Variants in DOCK10 observed in about 807,000 individuals in gnomAD.
DOCK10 encodes dedicator of cytokinesis 10.
DOCK10 carries 145 observed loss-of-function variants against 280.1 expected under a neutral mutation model. That is an observed-to-expected ratio of 0.52 (90% CI 0.45 to 0.59). DOCK10 has a LOEUF of 0.59. Ranked by LOEUF, DOCK10 falls within the 20% of genes least tolerant of loss-of-function variation. The pLI is 0.00. For missense variants in DOCK10, 2,368 were observed against 2,651.7 expected (o/e 0.89, Z 2.35); for synonymous variants, 915 against 942.2 (o/e 0.97, Z 0.53).
At chr2:225,013,097 T>A (rs1689489071) in intron 1 of DOCK10, among the ~76,000 whole-genome samples, 1 of 152,174 alleles carries the variant, frequency 6.6e-6, no homozygotes, top group Non-Finnish European at 1.5e-5. Context: ...TTTCCTCATA[T>A]TTCCTGGAAC....
At chr2:224,852,606 G>A (rs1328881196) in intron 17 of DOCK10, among the ~76,000 whole-genome samples, 164 bp from the exon 18 acceptor site, 2 of 152,116 alleles carry the variant, frequency 1.3e-5, no homozygotes, top group East Asian at 3.8e-4. Flanking sequence ...AGAAGGATCT[G>A]GAGAGTGTAC....
At chr2:224,896,844 T>G (rs1700015263) in intron 3 of DOCK10, among the ~76,000 whole-genome samples, 1 of 152,244 alleles carries the variant, frequency 6.6e-6, no homozygotes, top group Admixed American at 6.5e-5. Context: ...AGGAGCTTGC[T>G]CTTTCCAATC....
chr2:224,825,739 T>C (rs1191548710), intron 27 of DOCK10, among the ~76,000 whole-genome samples: 1 of 152,210 alleles, frequency 6.6e-6, no homozygotes, highest in Non-Finnish European at 1.5e-5. Context: ...TTAAAACTGT[T>C]TTCCCGAAGT....
At position 224,856,887 on chromosome 2, in the gene DOCK10, A is replaced by G; in HGVS notation, c.1781T>C (p.Leu594Pro). Residue 594 changes from leucine to proline, a missense_variant, in exon 15 of 56, where the codon CTA (leucine) becomes CCA (proline). Leu to Pro is a moderately conservative substitution (Grantham distance 98). Coordinates refer to ENST00000258390, the MANE Select transcript of DOCK10 (RefSeq NM_014689.3). The part of the protein sequence containing the change: ...QESSKISTED[L>P]VKLVSDYRRA... Reference sequence around the variant, plus strand: ...TCTATAATCTGATACTAGTTTAACTAGGTCCTCAGTTGAAATCTTGCTACT... The same window carrying G: ...TCTATAATCTGATACTAGTTTAACTGGGTCCTCAGTTGAAATCTTGCTACT... The G allele has an allele frequency of 6.2e-7, 1 of 1,611,472 alleles. No homozygotes were observed. Among genetic ancestry groups the G allele is most frequent in the South Asian group, 1.1e-5 (1 of 90,902 alleles).
At chr2:224,875,963 G>C in intron 8 of DOCK10, 75 bp downstream of exon 8, 1 of 1,455,082 alleles carries the variant, frequency 6.9e-7, no homozygotes. Flanking sequence ...CAACTACAAT[G>C]CCTAGCAGCT....
intron 13 of DOCK10, 73 bp from the exon 14 acceptor site, chr2:224,862,819 T>C (rs1025564538): frequency 5.6e-6 from 5 of 900,096 alleles, no homozygotes; most frequent in Non-Finnish European, 8.1e-6. Flanking sequence ...TAATACTAAA[T>C]ACTTTTTCAT....
intron 3 of DOCK10, among the ~76,000 whole-genome samples, chr2:224,905,874 T>C (rs746714164): frequency 2.6e-5 from 4 of 152,122 alleles, no homozygotes; most frequent in African/African-American, 4.8e-5. Context: ...GGACCTGCCT[T>C]CTCAGTTCCA....
At chr2:224,817,234 A>G (rs1694186854) in intron 29 of DOCK10, among the ~76,000 whole-genome samples, 1 of 152,176 alleles carries the variant, frequency 6.6e-6, no homozygotes, top group Non-Finnish European at 1.5e-5. Flanking sequence ...GCCCTTGCAA[A>G]TAGGTCTGTC....
In DOCK10 at chr2:224,977,591, A is replaced by C. The variant is rs368072692; in HGVS notation, c.124-45923T>G. 2.4e-4 allele frequency among the ~76,000 whole-genome samples: 36 copies of C among 152,324 alleles called. 1 individual carries two copies. The highest frequency in any genetic ancestry group is 8.7e-4 in the African/African-American group (36 of 41,570). On this transcript the variant is annotated intron_variant, in intron 1 of 55. Transcript: ENST00000258390. ...TAAAGGAAGTAAAAAAAAATTATGA[A>C]AGTTTCTGTTAATTCTCCCACCAAA...
intron 55 of DOCK10, among the ~76,000 whole-genome samples, chr2:224,766,403 C>A (rs1377735341): frequency 1.3e-5 from 2 of 152,000 alleles, no homozygotes; most frequent in South Asian, 4.2e-4. Context: ...GAAGATTTTC[C>A]CACTAACTTC....
At chr2:224,826,706 T>C (rs755163156) in intron 27 of DOCK10, among the ~76,000 whole-genome samples, 55 of 151,316 alleles carry the variant, frequency 3.6e-4, no homozygotes, top group Non-Finnish European at 6.0e-4. Flanking sequence ...CTGGGCAACA[T>C]GACGAAACCC....
At chr2:224,953,691 G>T (rs1051550444) in intron 1 of DOCK10, among the ~76,000 whole-genome samples, 1 of 152,120 alleles carries the variant, frequency 6.6e-6, no homozygotes, top group African/African-American at 2.4e-5. Context: ...TATAGGTTGG[G>T]GCAAAGGTAA....
At chr2:224,924,234 A>G (rs1701935132) in intron 2 of DOCK10, among the ~76,000 whole-genome samples, 2 of 152,326 alleles carry the variant, frequency 1.3e-5, no homozygotes, top group East Asian at 1.9e-4. Flanking sequence ...TTTATCCTTT[A>G]AAAGTATAGA....
At position 224,912,926 on chromosome 2, in the gene DOCK10, T is replaced by G. The variant is rs534454492; in HGVS notation, c.333+3769A>C. Among the ~76,000 whole-genome samples the G allele has an allele frequency of 1.5e-4, 23 of 152,124 alleles. No homozygotes were observed. In the East Asian group the frequency reaches 4.1e-3, roughly 27 times the overall value. On this transcript the variant is annotated intron_variant, in intron 3 of 55. Coordinates refer to ENST00000258390, the MANE Select transcript of DOCK10 (RefSeq NM_014689.3). ...CTGCAATCCCAACTACTTGGGAGGC[T>G]AAAGCAGGAAAATCGCTTGAGCCCA...
chr2:224,769,114 T>A (rs949961288), intron 55 of DOCK10, among the ~76,000 whole-genome samples: 2 of 152,198 alleles, frequency 1.3e-5, no homozygotes, highest in Non-Finnish European at 2.9e-5. Flanking sequence ...TATCAAGTCA[T>A]CTCTCCTGAG....
At chr2:224,790,738 C>T (rs1692123505) in intron 47 of DOCK10, among the ~76,000 whole-genome samples, 1 of 152,104 alleles carries the variant, frequency 6.6e-6, no homozygotes, top group Admixed American at 6.5e-5. Flanking sequence ...ACAACTGAAG[C>T]AGCTGTACTT....
rs1438312188 is a variant in DOCK10, at chr2:224,786,232, A to G, written c.5655+790T>C. Reference sequence around the variant, plus strand: ...GGGGGCAGAGGAAGTGTGAGGTCTGAGAGCCACTGCCATTCCGAAAATAAA... The same window carrying G: ...GGGGGCAGAGGAAGTGTGAGGTCTGGGAGCCACTGCCATTCCGAAAATAAA... On this transcript the variant is annotated intron_variant, in intron 50 of 55. Transcript: ENST00000258390. The surrounding 1 kb of genome is among the most constrained non-coding windows in gnomAD (Gnocchi z 4.7). 6.6e-6 allele frequency among the ~76,000 whole-genome samples: 1 copy of G among 152,202 alleles called. No homozygotes were observed.
At position 224,819,093 on chromosome 2, in the gene DOCK10, A is replaced by C. The variant is rs577657640; in HGVS notation, c.3267+353T>G. Among the ~76,000 whole-genome samples, 5 of 152,202 alleles carry C rather than the reference A, an allele frequency of 3.3e-5. No individual in the cohort carries two copies. In the East Asian group the frequency reaches 9.6e-4, roughly 29 times the overall value. ...TTTGGGTAGGGTATTCAACTGTCCCATTTTGCCCAGGACTTAAAGGTTTCC... is the reference window on the plus strand; with the variant it reads ...TTTGGGTAGGGTATTCAACTGTCCCCTTTTGCCCAGGACTTAAAGGTTTCC... On this transcript the variant is annotated intron_variant, in intron 29 of 55. Transcript: ENST00000258390.
At chr2:224,927,696 TCC>T in intron 2 of DOCK10, among the ~76,000 whole-genome samples, 1 of 152,216 alleles carries the variant, frequency 6.6e-6, no homozygotes, top group African/African-American at 2.4e-5. Context: ...GGGCATGAGC[TCC>T]TTAAACACAG....
Sources: allele counts gnomAD v4.1 joint callset (sites outside exome capture counted in the v4.1 genomes callset), GRCh38; gene constraint gnomAD v4.1.1; non-coding constraint Gnocchi (gnomAD v3.1); transcripts MANE v1.5; gene names NCBI Gene and HGNC (gene_info 2026-07-23, HGNC 2026-07-21).